The following RABGEF1 variants were observed in gnomAD, a reference collection of about 807,000 sequenced individuals.
RABGEF1 encodes the protein rab5 GDP/GTP exchange factor.
Under a neutral mutation model 57.3 loss-of-function variants are expected in RABGEF1, and 26 were observed. The ratio of observed to expected loss-of-function variants is 0.45; its 90% CI spans 0.33 to 0.63. The LOEUF is 0.63. Ranked by LOEUF, RABGEF1 falls within the 20% of genes least tolerant of loss-of-function variation. The pLI is 0.02. For synonymous variants in RABGEF1, 185 were observed against 210.7 expected, an observed-to-expected ratio of 0.88 and a Z score of 1.06; for missense variants, 464 against 607.6, an observed-to-expected ratio of 0.76 and a Z score of 2.48.
the RABGEF1 span, among the ~76,000 whole-genome samples, chr7:66,662,040 G>A: frequency 2.0e-5 from 3 of 152,086 alleles, no homozygotes; most frequent in Non-Finnish European, 4.4e-5. Context: ...ACGAGGTCAG[G>A]AGATTGAGAC....
the RABGEF1 span, among the ~76,000 whole-genome samples, chr7:66,664,944 C>T: frequency 5.3e-5 from 8 of 152,358 alleles, no homozygotes; most frequent in South Asian, 2.1e-4. Flanking sequence ...TTCAGGAGCC[C>T]GTGGCCCCCA....
At chr7:66,686,574 C>T (rs1212991249) in intron 1 of RABGEF1, among the ~76,000 whole-genome samples, 1 of 152,184 alleles carries the variant, frequency 6.6e-6, no homozygotes, top group Non-Finnish European at 1.5e-5. Context: ...TTTCACATGG[C>T]TGAAGTGAGT....
chr7:66,781,473 C>G (rs1345930990), intron 3 of RABGEF1, among the ~76,000 whole-genome samples: 2 of 152,142 alleles, frequency 1.3e-5, no homozygotes, highest in African/African-American at 4.8e-5. Context: ...CAACCCATCA[C>G]CTACGTTAGG....
chr7:66,803,896 A>G (rs1383375832), intron 7 of RABGEF1, among the ~76,000 whole-genome samples: 5 of 151,966 alleles, frequency 3.3e-5, no homozygotes, highest in East Asian at 3.9e-4. Context: ...CTCAAAAAAA[A>G]AAAAAAAGAA....
chr7:66,657,251 C>G, the RABGEF1 span, among the ~76,000 whole-genome samples: 11 of 152,244 alleles, frequency 7.2e-5, no homozygotes, highest in East Asian at 1.5e-3. Context: ...GGCTGCAAAA[C>G]AAATATTAAT....
chr7:66,691,192 C>T (rs1584675026), intron 1 of RABGEF1, among the ~76,000 whole-genome samples: 1 of 152,198 alleles, frequency 6.6e-6, no homozygotes, highest in Non-Finnish European at 1.5e-5. Context: ...GTAGCAACCA[C>T]ACTGACAGAC....
intron 3 of RABGEF1, among the ~76,000 whole-genome samples, chr7:66,775,849 G>A (rs550420894): frequency 1.5e-3 from 233 of 152,280 alleles, no homozygotes; most frequent in Non-Finnish European, 2.1e-3. Context: ...TCTTGAGGAA[G>A]TGTATTGAGA....
chr7:66,673,692 C>T, the RABGEF1 span, among the ~76,000 whole-genome samples: 3 of 151,210 alleles, frequency 2.0e-5, no homozygotes, highest in East Asian at 1.9e-4. Context: ...GTCTTCCGCA[C>T]GTACGGGTGA....
Position 66,795,930 on chromosome 7 carries a change from G to A in RABGEF1, c.595+338G>A, listed in dbSNP as rs112758847. ...AAAGCAGGCGGATCACGTTAGGCCA[G>A]GAGTTCGAGACCAGCCTGGCCAACA... On this transcript the variant is annotated intron_variant, in intron 5 of 8. Transcript: ENST00000284957. Among the ~76,000 whole-genome samples the A allele has an allele frequency of 5.9e-4, 90 of 152,300 alleles. 1 individual carries two copies. The highest frequency in any genetic ancestry group is 2.0e-3 in the African/African-American group (85 of 41,552).
chr7:66,671,817 CT>C, the RABGEF1 span, among the ~76,000 whole-genome samples: 106 of 125,484 alleles, frequency 8.4e-4, 1 homozygote, highest in Middle Eastern at 3.9e-3. Context: ...GTGAGACTGT[CT>C]TTTTTTTTTT....
chr7:66,686,274 C>G (rs138519093), intron 1 of RABGEF1, among the ~76,000 whole-genome samples: 2,032 of 147,062 alleles, frequency 0.014, 57 homozygotes, highest in East Asian at 0.092. Flanking sequence ...AAGTGAGACT[C>G]TGTCTCAAAA....
chr7:66,805,658 A>G (rs1410408239), intron 8 of RABGEF1, among the ~76,000 whole-genome samples: 1 of 152,216 alleles, frequency 6.6e-6, no homozygotes, highest in Non-Finnish European at 1.5e-5. Flanking sequence ...CCTGGGTAGA[A>G]GAGTCCTTCA....
chr7:66,780,564 G>C (rs1369513917), intron 3 of RABGEF1, among the ~76,000 whole-genome samples: 1 of 152,178 alleles, frequency 6.6e-6, no homozygotes, highest in African/African-American at 2.4e-5. Flanking sequence ...GGTCAAGTTG[G>C]TTGATAGCAT....
intron 3 of RABGEF1, among the ~76,000 whole-genome samples, chr7:66,781,760 A>G (rs1584054542): frequency 1.3e-5 from 2 of 152,304 alleles, no homozygotes; most frequent in South Asian, 4.1e-4. Context: ...ATATTTTGCC[A>G]TGCAAATTCT....
intron 2 of RABGEF1, among the ~76,000 whole-genome samples, chr7:66,713,383 C>T (rs941793423): frequency 2.0e-5 from 3 of 151,572 alleles, no homozygotes; most frequent in African/African-American, 7.3e-5. Flanking sequence ...CCGCCTTGGC[C>T]CTCCAAAGTG....
chr7:66,802,943 AAG>A (rs1447281987), intron 7 of RABGEF1, among the ~76,000 whole-genome samples: 4 of 152,248 alleles, frequency 2.6e-5, no homozygotes, highest in Admixed American at 1.3e-4. Flanking sequence ...GTTTAAATAA[AAG>A]AGAGAAAAAA....
At position 66,772,037 on chromosome 7, in the gene RABGEF1, C is replaced by T. The variant is rs778056930; in HGVS notation, c.138C>T (p.Ala46=). The T allele has an allele frequency of 8.9e-6, 14 of 1,578,976 alleles. No homozygotes were observed. Among genetic ancestry groups the T allele is most frequent in the East Asian group, 4.7e-5 (2 of 42,564 alleles). Reference sequence around the variant, plus strand: ...GCTGGAGGGAAGAGTACCACAAAGCCAGGCAGAAGCAGATTCAGGAGGACT... The same window carrying T: ...GCTGGAGGGAAGAGTACCACAAAGCTAGGCAGAAGCAGATTCAGGAGGACT... The part of the protein sequence containing the change: ...SKCWREEYHK[A]RQKQIQEDWE... The change falls in exon 2 of 9, where the codon GCC becomes GCT. Residue 46 remains alanine (A), a synonymous_variant. Coordinates refer to ENST00000284957, the MANE Select transcript of RABGEF1 (RefSeq NM_014504.3).
chr7:66,804,359 G>A (rs1017557459), intron 7 of RABGEF1, among the ~76,000 whole-genome samples: 1 of 152,136 alleles, frequency 6.6e-6, no homozygotes, highest in African/African-American at 2.4e-5. Context: ...TGTAACAGAG[G>A]CACAGAAGCA....
intron 2 of RABGEF1, chr7:66,773,876 G>A: frequency 2.4e-6 from 1 of 415,974 alleles, no homozygotes; most frequent in Non-Finnish European, 4.8e-6. Flanking sequence ...ATGTTGCCCA[G>A]GCTGGTCTCA....
Sources: allele counts gnomAD v4.1 joint callset (sites outside exome capture counted in the v4.1 genomes callset), GRCh38; gene constraint gnomAD v4.1.1; transcripts MANE v1.5; gene names NCBI Gene and HGNC (gene_info 2026-07-23, HGNC 2026-07-21).